The following MCM9 variants were observed in gnomAD, a reference collection of about 807,000 sequenced individuals.
MCM9 encodes the protein DNA helicase MCM9.
MCM9 carries 55 observed loss-of-function variants against 72.8 expected under a neutral mutation model. That is an observed-to-expected ratio of 0.76 (90% confidence interval 0.61 to 0.95). The LOEUF is 0.95. MCM9 is among the 40% of genes least tolerant of loss of function. The probability of loss-of-function intolerance (pLI) is 0.00; values close to 1 mark genes in which losing one functional copy is unlikely to be tolerated. For synonymous variants in MCM9, 480 were observed against 503.4 expected, an observed-to-expected ratio of 0.95 and a Z score of 0.62; for missense variants, 1,279 against 1,377.0, an observed-to-expected ratio of 0.93 and a Z score of 1.13.
chr6:118,894,589 C>T (rs925315967), intron 8 of MCM9: 3 of 1,348,328 alleles, frequency 2.2e-6, no homozygotes, highest in Non-Finnish European at 1.0e-6. Context: ...TTTCCCGGGC[C>T]GGGCCTCGCG....
intron 6 of MCM9, 121 bp from the exon 7 acceptor site, chr6:118,913,541 G>C (rs1246410251): frequency 8.0e-7 from 1 of 1,243,398 alleles, no homozygotes; most frequent in East Asian, 2.5e-5. Context: ...GAAGTGATCA[G>C]GAGGTCCAAT....
intron 13 of MCM9, among the ~76,000 whole-genome samples, chr6:118,823,189 C>A (rs1773931301): frequency 6.6e-6 from 1 of 152,114 alleles, no homozygotes; most frequent in Non-Finnish European, 1.5e-5. Context: ...CAGTGTCTGC[C>A]CAAATTGCCA....
chr6:118,902,528 CTT>C (rs33980013), intron 8 of MCM9, among the ~76,000 whole-genome samples: 11 of 131,474 alleles, frequency 8.4e-5, no homozygotes, highest in African/African-American at 2.0e-4. Flanking sequence ...ACTGATAATA[CTT>C]TTTTTTTTTT....
intron 8 of MCM9, among the ~76,000 whole-genome samples, chr6:118,902,666 A>G (rs1365407039): frequency 6.6e-6 from 1 of 152,118 alleles, no homozygotes; most frequent in Non-Finnish European, 1.5e-5. Flanking sequence ...AGCAAAAAAA[A>G]TGTATTCAAA....
At chr6:118,864,908 C>A (rs1777124975) in intron 8 of MCM9, among the ~76,000 whole-genome samples, 2 of 152,088 alleles carry the variant, frequency 1.3e-5, no homozygotes, top group African/African-American at 4.8e-5. Context: ...TGGAAGGAAT[C>A]TATAACACAC....
intron 13 of MCM9, among the ~76,000 whole-genome samples, 183 bp downstream of exon 13, chr6:118,825,964 A>G (rs1324787352): frequency 6.6e-6 from 1 of 152,180 alleles, no homozygotes; most frequent in East Asian, 1.9e-4. Flanking sequence ...GTTTTGGAGC[A>G]GTTGATTATA....
chr6:118,891,960 C>T (rs1169694484), intron 8 of MCM9, among the ~76,000 whole-genome samples: 1 of 152,220 alleles, frequency 6.6e-6, no homozygotes, highest in Non-Finnish European at 1.5e-5. Flanking sequence ...ATCTGTTGTA[C>T]AATTAGATGT....
intron 5 of MCM9, chr6:118,919,482 T>C (rs1175419432): frequency 6.6e-6 from 1 of 152,212 alleles, no homozygotes; most frequent in African/African-American, 2.4e-5. Flanking sequence ...CGGCAAGTGC[T>C]CAGTAAATAT....
In MCM9 at chr6:118,930,103, A is replaced by ATTTAT. The variant is rs5879474; in HGVS notation, c.304+1312_304+1316dup. Among the ~76,000 whole-genome samples the ATTTAT allele has an allele frequency of 9.6e-5, 14 of 145,806 alleles. No homozygotes were observed. In the South Asian group the frequency reaches 1.3e-3, roughly 13 times the overall value. On this transcript the variant is annotated intron_variant, in intron 3 of 13. Coordinates refer to ENST00000619706, the MANE Select transcript of MCM9 (RefSeq NM_017696.3). ...AAGGTAAATATTTATTTATTTATTT[A>ATTTAT]TTTATTTTATTTTATTTTATTTTTT... is the stretch of plus-strand genomic sequence containing the variant.
chr6:118,893,941 C>CCCCGCCGCAGCCACGCCT, intron 8 of MCM9: 1 of 903,264 alleles, frequency 1.1e-6, no homozygotes, highest in Non-Finnish European at 1.3e-6. Context: ...AGCCACGCCT[C>CCCCGCCGCAGCCACGCCT]CCCGCCGCGG....
intron 9 of MCM9, 64 bp from the exon 10 acceptor site, chr6:118,829,314 G>T: frequency 7.0e-7 from 1 of 1,432,068 alleles, no homozygotes; most frequent in Non-Finnish European, 9.4e-7. Context: ...GATTACAGCT[G>T]TTAATAAAAT....
intron 9 of MCM9, among the ~76,000 whole-genome samples, chr6:118,834,624 T>G: frequency 6.6e-6 from 1 of 152,216 alleles, no homozygotes; most frequent in Non-Finnish European, 1.5e-5. Context: ...ATGAGCTTTT[T>G]TTCACGTTTG....
chr6:118,815,612 G>C lies in MCM9; in HGVS notation c.2644C>G (p.His882Asp). The C allele has an allele frequency of 3.2e-6, 5 of 1,550,528 alleles. No homozygotes were observed. Among genetic ancestry groups the C allele is most frequent in the Middle Eastern group, 1.7e-4 (1 of 5,992 alleles). Residue 882 changes from histidine to aspartate, a missense_variant, in exon 14 of 14, where the codon CAT becomes GAT. By Grantham distance (81) the His-to-Asp change is moderately conservative (BLOSUM62 -1). Coordinates refer to ENST00000619706, the MANE Select transcript of MCM9 (RefSeq NM_017696.3). ...VPSHPQSTPVHSPDRMLDSPK... is the reference protein window; with the variant it reads ...VPSHPQSTPVDSPDRMLDSPK... ...GAGTCCAGCATTCTGTCTGGGCTAT[G>C]TACAGGAGTGGACTGAGGATGGGAA...
intron 9 of MCM9, among the ~76,000 whole-genome samples, chr6:118,848,102 A>G (rs1205652508): frequency 6.6e-6 from 1 of 151,916 alleles, no homozygotes; most frequent in East Asian, 1.9e-4. Context: ...TGGCCCTCCC[A>G]AAAAGACCAA....
At chr6:118,880,203 A>G (rs1778200562) in intron 8 of MCM9, among the ~76,000 whole-genome samples, 1 of 152,278 alleles carries the variant, frequency 6.6e-6, no homozygotes, top group African/African-American at 2.4e-5. Flanking sequence ...CGAAATTTTT[A>G]TATCCTCTGA....
At chr6:118,909,136 A>G (rs149774595) in intron 8 of MCM9, 43 of 152,326 alleles carry the variant, frequency 2.8e-4, no homozygotes, top group African/African-American at 1.0e-3. Context: ...ATGTTAAAAT[A>G]TTAAAATGAA....
Position 118,816,273 on chromosome 6 carries a change from G to A in MCM9, c.1983C>T (p.His661=), listed in dbSNP as rs1318719020. ...RLERLQNQSV[H]QSQPRVLEVE... ...CCTCCAATACCCGTGGTTGGGATTGGTGCACACTCTGATTCTGTAACCTGT... is the reference window on the plus strand; with the variant it reads ...CCTCCAATACCCGTGGTTGGGATTGATGCACACTCTGATTCTGTAACCTGT... The change falls in exon 14 of 14, where the codon CAC becomes CAT. Residue 661 remains histidine (H), a synonymous_variant. Transcript: ENST00000619706. The A allele has an allele frequency of 1.3e-6, 2 of 1,543,348 alleles. No individual in the cohort carries two copies. Among genetic ancestry groups the A allele is most frequent in the East Asian group, 2.4e-5 (1 of 40,826 alleles).
intron 8 of MCM9, among the ~76,000 whole-genome samples, chr6:118,879,936 T>C (rs560825335): frequency 1.3e-5 from 2 of 151,772 alleles, no homozygotes; most frequent in South Asian, 4.2e-4. Context: ...CCCAGCCACT[T>C]GGGAGGCAAG....
At chr6:118,839,572 C>T (rs1440667839) in intron 9 of MCM9, among the ~76,000 whole-genome samples, 4 of 152,146 alleles carry the variant, frequency 2.6e-5, no homozygotes, top group African/African-American at 4.8e-5. Flanking sequence ...TATCTACCTA[C>T]AGTCTTTGAT....
Sources: gnomAD v4.1 joint callset for allele counts (sites outside exome capture counted in the v4.1 genomes callset) on GRCh38, gnomAD v4.1.1 for gene constraint, MANE v1.5 for transcripts, NCBI Gene and HGNC (gene_info 2026-07-23, HGNC 2026-07-21) for gene names.